The following FUT9 variants were observed in gnomAD, a reference collection of about 807,000 sequenced individuals.
FUT9 encodes the protein 4-galactosyl-N-acetylglucosaminide 3-alpha-L-fucosyltransferase 9.
FUT9 carries 15 observed loss-of-function variants against 29.7 expected under a neutral mutation model. The observed-to-expected ratio is 0.51, with a 90% CI of 0.34 to 0.78. The LOEUF (loss-of-function observed/expected upper bound fraction) is 0.78. Ranked by LOEUF, FUT9 falls within the 30% of genes least tolerant of loss-of-function variation. The pLI is 0.01. For missense variants in FUT9, 319 were observed against 425.4 expected (o/e 0.75, Z 2.20); for synonymous variants, 169 against 153.7 (o/e 1.10, Z -0.74).
At chr6:96,115,758 C>T (rs565425658) in intron 2 of FUT9, among the ~76,000 whole-genome samples, 1 of 152,228 alleles carries the variant, frequency 6.6e-6, no homozygotes, top group East Asian at 1.9e-4. Context: ...AAGTCAAACC[C>T]TAAACTTATT....
At chr6:96,080,351 C>T (rs193233068) in intron 1 of FUT9, among the ~76,000 whole-genome samples, 4 of 151,902 alleles carry the variant, frequency 2.6e-5, no homozygotes, top group East Asian at 3.9e-4. Flanking sequence ...GTAGACTTTA[C>T]ATAAGAGGAG....
chr6:96,165,272 A>C (rs541581608), intron 2 of FUT9, among the ~76,000 whole-genome samples: 2 of 152,074 alleles, frequency 1.3e-5, no homozygotes, highest in South Asian at 2.1e-4. Context: ...TCTCTACTAA[A>C]AATACAAAAT....
At chr6:96,050,232 C>A (rs1156591003) in intron 1 of FUT9, among the ~76,000 whole-genome samples, 1 of 152,060 alleles carries the variant, frequency 6.6e-6, no homozygotes, top group African/African-American at 2.4e-5. Flanking sequence ...GAGCAGGGAC[C>A]TGTGTGAATG....
intron 1 of FUT9, among the ~76,000 whole-genome samples, chr6:96,102,400 T>A (rs890022098): frequency 1.3e-5 from 2 of 152,312 alleles, no homozygotes; most frequent in Non-Finnish European, 1.5e-5. Context: ...TTGTTTTTAC[T>A]GAGATAATTT....
intron 2 of FUT9, among the ~76,000 whole-genome samples, chr6:96,171,790 T>C (rs1289400178): frequency 6.6e-6 from 1 of 152,162 alleles, no homozygotes; most frequent in African/African-American, 2.4e-5. Flanking sequence ...TTTCTACTCT[T>C]GGTTCCCTTC....
chr6:96,097,133 T>TA (rs1771512374), intron 1 of FUT9, among the ~76,000 whole-genome samples: 1 of 152,198 alleles, frequency 6.6e-6, no homozygotes, highest in South Asian at 2.1e-4. Context: ...AGGCTACACA[T>TA]ACTGAAGGAA....
chr6:96,170,546 TCACACA>T (rs5878420), intron 2 of FUT9, among the ~76,000 whole-genome samples: 24 of 148,774 alleles, frequency 1.6e-4, no homozygotes, highest in South Asian at 8.6e-4. Context: ...AAAATCCCTT[TCACACA>T]CACACACACA....
intron 2 of FUT9, among the ~76,000 whole-genome samples, chr6:96,157,095 T>C (rs1772799417): frequency 6.6e-6 from 1 of 152,224 alleles, no homozygotes; most frequent in Non-Finnish European, 1.5e-5. Flanking sequence ...TAACTGTACC[T>C]AGCCCCAGAG....
intron 1 of FUT9, among the ~76,000 whole-genome samples, chr6:96,071,877 C>T (rs1025497346): frequency 4.6e-5 from 7 of 152,144 alleles, no homozygotes; most frequent in African/African-American, 1.7e-4. Context: ...TCAAGCAATG[C>T]TCTCATCTCA....
intron 2 of FUT9, among the ~76,000 whole-genome samples, chr6:96,125,193 G>C (rs1299377588): frequency 6.6e-6 from 1 of 152,172 alleles, no homozygotes; most frequent in Non-Finnish European, 1.5e-5. Flanking sequence ...TTTCTACCCA[G>C]GAGGAGCTAC....
At chr6:96,172,197 G>A (rs1458536657) in intron 2 of FUT9, among the ~76,000 whole-genome samples, 1 of 152,050 alleles carries the variant, frequency 6.6e-6, no homozygotes, top group Non-Finnish European at 1.5e-5. Flanking sequence ...TTCATTCTCA[G>A]GACCTAATGA....
intron 1 of FUT9, among the ~76,000 whole-genome samples, chr6:96,109,459 T>C (rs59762554): frequency 0.26 from 39,903 of 152,156 alleles, 6,238 homozygotes; most frequent in Non-Finnish European, 0.34. Flanking sequence ...TTTACTAAAG[T>C]ATCTTGCATA....
chr6:96,050,133 G>A (rs181621083), intron 1 of FUT9, among the ~76,000 whole-genome samples: 5 of 151,910 alleles, frequency 3.3e-5, no homozygotes, highest in Admixed American at 3.3e-4. Context: ...CACCACACTA[G>A]ATTTCAAAAC....
At chr6:96,127,030 T>C (rs953871602) in intron 2 of FUT9, among the ~76,000 whole-genome samples, 2 of 152,236 alleles carry the variant, frequency 1.3e-5, no homozygotes, top group East Asian at 1.9e-4. Flanking sequence ...TAAAAACTAC[T>C]GTTTTTTTAA....
In FUT9 at chr6:96,215,154, T is replaced by A. The variant is rs1473004137; in HGVS notation, c.*10919T>A. 1 of 166,996 alleles carries A rather than the reference T, an allele frequency of 6.0e-6. No individual in the cohort carries two copies. The highest frequency in any genetic ancestry group is 1.5e-5 in the Non-Finnish European group (1 of 68,084). The allele number at this position is 166,996 out of a possible 1,614,324, so 10.3% of individuals were successfully genotyped here. ...TAACACTTTAAGGCAGCTAAGCAAA[T>A]ATTTTAATAAGCCATGAAAGGCAAG... On this transcript the variant is annotated 3_prime_UTR_variant, in exon 3 of 3. Coordinates refer to ENST00000302103, the MANE Select transcript of FUT9 (RefSeq NM_006581.4).
chr6:96,068,130 T>A (rs1770994293), intron 1 of FUT9, among the ~76,000 whole-genome samples: 1 of 152,132 alleles, frequency 6.6e-6, no homozygotes, highest in African/African-American at 2.4e-5. Context: ...GTCATCCAGA[T>A]AGAAGTGACA....
intron 2 of FUT9, among the ~76,000 whole-genome samples, chr6:96,118,317 C>CAA (rs879435378): frequency 1.4e-5 from 2 of 146,656 alleles, no homozygotes; most frequent in Admixed American, 6.8e-5. Context: ...ATGCAAGAAC[C>CAA]AAAAAAAAAA....
At chr6:96,139,865 G>A (rs1449122454) in intron 2 of FUT9, among the ~76,000 whole-genome samples, 2 of 151,998 alleles carry the variant, frequency 1.3e-5, no homozygotes, top group East Asian at 3.9e-4. Flanking sequence ...ATTGGAGGGG[G>A]GCTGCTGTGA....
chr6:96,131,679 T>C (rs1772247141), intron 2 of FUT9, among the ~76,000 whole-genome samples: 1 of 152,124 alleles, frequency 6.6e-6, no homozygotes, highest in Non-Finnish European at 1.5e-5. Flanking sequence ...GTGATTCTTC[T>C]GGGAGTCATT....
Sources: allele counts gnomAD v4.1 joint callset (sites outside exome capture counted in the v4.1 genomes callset), GRCh38; gene constraint gnomAD v4.1.1; transcripts MANE v1.5; gene names NCBI Gene and HGNC (gene_info 2026-07-23, HGNC 2026-07-21).